The following UTS2 variants were observed in gnomAD, a reference collection of about 807,000 sequenced individuals.
The protein encoded by UTS2 is urotensin-2.
Under a neutral mutation model 12.6 loss-of-function variants are expected in UTS2, and 10 were observed. The observed-to-expected ratio is 0.80, with a 90% confidence interval of 0.49 to 1.35. The LOEUF (loss-of-function observed/expected upper bound fraction) is 1.35. UTS2 is among the 40% of genes most tolerant of loss of function. The probability of loss-of-function intolerance (pLI) is 0.00; values close to 1 mark genes in which losing one functional copy is unlikely to be tolerated. For missense variants in UTS2, 142 were observed against 143.2 expected (o/e 0.99, Z 0.04); for synonymous variants, 52 against 50.0 (o/e 1.04, Z -0.17).
chr1:7,850,907 G>A lies in UTS2; in HGVS notation c.119C>T (p.Ala40Val), dbSNP rs201000488. ...SFQLSAPHED[A>V]RLTPEELERA... Reference sequence around the variant, plus strand: ...TTCTAGCTCCTCCGGAGTTAAGCGCGCGTCTTCATGAGGTGCTACAGAGTA... The same window carrying A: ...TTCTAGCTCCTCCGGAGTTAAGCGCACGTCTTCATGAGGTGCTACAGAGTA... Residue 40 changes from alanine to valine, a missense_variant, in exon 2 of 4, where the codon GCG becomes GTG. Ala to Val is a moderately conservative substitution (Grantham distance 64). Transcript: ENST00000361696. 56 of 1,614,022 alleles carry A rather than the reference G, an allele frequency of 3.5e-5. No homozygotes were observed. The highest frequency in any genetic ancestry group is 1.3e-4 in the Admixed American group (8 of 60,006).
the UTS2 span, among the ~76,000 whole-genome samples, chr1:7,910,767 C>G: frequency 2.6e-5 from 4 of 152,118 alleles, no homozygotes; most frequent in African/African-American, 9.7e-5. Flanking sequence ...TGCTCTGTCT[C>G]CCAGGCTGGA....
At chr1:7,888,962 C>T in the UTS2 span, among the ~76,000 whole-genome samples, 1 of 151,952 alleles carries the variant, frequency 6.6e-6, no homozygotes, top group Non-Finnish European at 1.5e-5. Flanking sequence ...TCTTCACCAG[C>T]AGATTGTGGA....
chr1:7,849,726 C>A (rs2097411938), intron 2 of UTS2, 43 bp from the exon 3 acceptor site: 1 of 1,522,722 alleles, frequency 6.6e-7, no homozygotes, highest in African/African-American at 1.4e-5. Context: ...TCTGTTGTTT[C>A]TCTTGTATGC....
At chr1:7,869,764 C>T in the UTS2 span, among the ~76,000 whole-genome samples, 2 of 152,326 alleles carry the variant, frequency 1.3e-5, no homozygotes, top group East Asian at 1.9e-4. Context: ...ATATCTGCTC[C>T]GCTTATTGAT....
chr1:7,909,071 G>C, the UTS2 span, among the ~76,000 whole-genome samples: 1 of 151,944 alleles, frequency 6.6e-6, no homozygotes, highest in Non-Finnish European at 1.5e-5. Flanking sequence ...GATTACAGCC[G>C]TGAGCCACCA....
chr1:7,884,476 A>T, the UTS2 span, among the ~76,000 whole-genome samples: 2 of 150,054 alleles, frequency 1.3e-5, no homozygotes, highest in East Asian at 1.9e-4. Flanking sequence ...TAATTTTTGC[A>T]TTTTTTTTTA....
chr1:7,864,901 C>T, the UTS2 span, among the ~76,000 whole-genome samples: 3 of 136,938 alleles, frequency 2.2e-5, no homozygotes, highest in South Asian at 5.3e-4. Context: ...CCCATGTGTC[C>T]TCCCACAGCG....
At chr1:7,852,863 C>A in intron 1 of UTS2, 38 bp downstream of exon 1, 1 of 1,580,508 alleles carries the variant, frequency 6.3e-7, no homozygotes, top group Non-Finnish European at 8.6e-7. Flanking sequence ...AGTAAAGGCT[C>A]TTTCAAGACT....
the UTS2 span, among the ~76,000 whole-genome samples, chr1:7,911,490 G>A: frequency 1.3e-5 from 2 of 152,148 alleles, no homozygotes; most frequent in Non-Finnish European, 2.9e-5. Flanking sequence ...AGAGGATTAT[G>A]TAAACTGCCT....
In UTS2 at chr1:7,848,771, C is replaced by T. The variant is rs1578023354; in HGVS notation, c.258+869G>A. Among the ~76,000 whole-genome samples, 3 of 152,276 alleles carry T rather than the reference C, an allele frequency of 2.0e-5. No homozygotes were observed. The South Asian group carries it at 6.2e-4, about 32-fold the overall frequency. ...CTGGCCTCAAGCAATCCGCCTACCT[C>T]GGCCTCCCGTGCTGGGATGACAAGT... On this transcript the variant is annotated intron_variant, in intron 3 of 3. Coordinates refer to ENST00000361696, the MANE Select transcript of UTS2 (RefSeq NM_006786.4).
chr1:7,897,484 A>G, the UTS2 span, among the ~76,000 whole-genome samples: 1 of 152,264 alleles, frequency 6.6e-6, no homozygotes, highest in Non-Finnish European at 1.5e-5. Context: ...CTATAAATCA[A>G]TTTGGAGAGA....
At chr1:7,859,868 A>G in the UTS2 span, among the ~76,000 whole-genome samples, 1 of 152,172 alleles carries the variant, frequency 6.6e-6, no homozygotes, top group Non-Finnish European at 1.5e-5. Context: ...GCATGGTTGC[A>G]TGCACCTGTA....
chr1:7,861,612 TC>T, the UTS2 span, among the ~76,000 whole-genome samples: 1 of 152,148 alleles, frequency 6.6e-6, no homozygotes, highest in African/African-American at 2.4e-5. Context: ...CACAGCAGCC[TC>T]CGCAGCAGGC....
the UTS2 span, among the ~76,000 whole-genome samples, chr1:7,874,093 C>T: frequency 2.6e-5 from 4 of 152,104 alleles, no homozygotes; most frequent in East Asian, 1.9e-4. Context: ...CAAGGAACTT[C>T]GGAAACATGC....
the UTS2 span, among the ~76,000 whole-genome samples, chr1:7,875,055 A>T: frequency 6.7e-6 from 1 of 148,750 alleles, no homozygotes; most frequent in African/African-American, 2.5e-5. Flanking sequence ...TTTTTTCTTT[A>T]TTTTTTTTTT....
chr1:7,893,525 C>A, the UTS2 span, among the ~76,000 whole-genome samples: 1 of 151,796 alleles, frequency 6.6e-6, no homozygotes, highest in African/African-American at 2.4e-5. Context: ...ATAAAACAAA[C>A]CAAACCTGGG....
the UTS2 span, among the ~76,000 whole-genome samples, chr1:7,892,414 G>A: frequency 6.0e-5 from 9 of 150,020 alleles, no homozygotes; most frequent in African/African-American, 1.2e-4. Context: ...CAAAGCTTGC[G>A]ATACAGCATC....
chr1:7,893,806 A>G, the UTS2 span, among the ~76,000 whole-genome samples: 1 of 152,172 alleles, frequency 6.6e-6, no homozygotes, highest in South Asian at 2.1e-4. Context: ...ACTTTTTAAT[A>G]TTCACTTACA....
chr1:7,855,501 T>G (rs1294955776), upstream of UTS2, among the ~76,000 whole-genome samples: 2 of 152,056 alleles, frequency 1.3e-5, no homozygotes, highest in African/African-American at 4.8e-5. Flanking sequence ...GGAGGATAGC[T>G]TCAACCTGGG....
Sources: allele counts gnomAD v4.1 joint callset (sites outside exome capture counted in the v4.1 genomes callset), GRCh38; gene constraint gnomAD v4.1.1; transcripts MANE v1.5; gene names NCBI Gene and HGNC (gene_info 2026-07-23, HGNC 2026-07-21).